Variants in SLC9D1 observed in about 807,000 individuals in gnomAD.
SLC9D1 encodes solute carrier family 9 member D1.
the SLC9D1 span, among the ~76,000 whole-genome samples, chr13:113,492,530 C>G: frequency 6.6e-6 from 1 of 152,232 alleles, no homozygotes; most frequent in Non-Finnish European, 1.5e-5. Context: ...ACCTGTGTGT[C>G]TTCTCAATAA....
chr13:113,530,236 T>C, the SLC9D1 span: 1 of 152,178 alleles, frequency 6.6e-6, no homozygotes, highest in Non-Finnish European at 1.5e-5. Flanking sequence ...GAAGTGCTGA[T>C]GGGTACAGGG....
the SLC9D1 span, among the ~76,000 whole-genome samples, chr13:113,540,055 C>G: frequency 1.3e-5 from 2 of 152,338 alleles, no homozygotes; most frequent in African/African-American, 4.8e-5. Flanking sequence ...TGATTTCATT[C>G]TGTTACGGTT....
chr13:113,538,543 C>G, the SLC9D1 span, among the ~76,000 whole-genome samples: 481 of 152,370 alleles, frequency 3.2e-3, 1 homozygote, highest in African/African-American at 0.011. Flanking sequence ...GCCGCTCCGC[C>G]GTGCTGAGCC....
At chr13:113,527,095 T>C in the SLC9D1 span, among the ~76,000 whole-genome samples, 2 of 152,244 alleles carry the variant, frequency 1.3e-5, no homozygotes, top group African/African-American at 4.8e-5. Context: ...TCTCAGAATG[T>C]GTCCCCATTG....
the SLC9D1 span, among the ~76,000 whole-genome samples, chr13:113,546,443 C>T: frequency 1.1e-4 from 17 of 152,114 alleles, no homozygotes; most frequent in East Asian, 2.3e-3. The surrounding 1 kb of genome is among the most constrained non-coding windows in gnomAD (Gnocchi z 7.1). Context: ...GAGGAGGGGC[C>T]GTGGCTAGAA....
the SLC9D1 span, among the ~76,000 whole-genome samples, chr13:113,519,502 G>A: frequency 6.6e-6 from 1 of 152,216 alleles, no homozygotes; most frequent in Admixed American, 6.5e-5. Flanking sequence ...CTGAATTTGT[G>A]AAGAAGGTCT....
the SLC9D1 span, among the ~76,000 whole-genome samples, chr13:113,549,120 TCA>T: frequency 6.6e-6 from 1 of 152,166 alleles, no homozygotes; most frequent in Admixed American, 6.5e-5. Flanking sequence ...GATCTTGAAA[TCA>T]CAGTCTCTCC....
the SLC9D1 span, among the ~76,000 whole-genome samples, chr13:113,520,990 G>A: frequency 2.0e-5 from 3 of 152,108 alleles, no homozygotes; most frequent in East Asian, 5.8e-4. Flanking sequence ...ACCCACTGAT[G>A]GAGTAGTCAG....
chr13:113,509,209 T>A, the SLC9D1 span, among the ~76,000 whole-genome samples: 5 of 100,114 alleles, frequency 5.0e-5, no homozygotes, highest in African/African-American at 1.4e-4. Context: ...TGCCTGTGTA[T>A]GTTGGGACTG....
At chr13:113,548,277 AGTGAC>A in the SLC9D1 span, 1 of 1,612,214 alleles carries the variant, frequency 6.2e-7, no homozygotes. Flanking sequence ...AGTCTTCAGC[AGTGAC>A]GTAATGAACC....
chr13:113,512,400 C>T, the SLC9D1 span, among the ~76,000 whole-genome samples: 73 of 118,210 alleles, frequency 6.2e-4, no homozygotes, highest in African/African-American at 2.0e-3. Context: ...GGAGTGTAGA[C>T]GGAGAGGGTT....
chr13:113,539,227 C>CA, the SLC9D1 span: 13 of 854,310 alleles, frequency 1.5e-5, no homozygotes, highest in Admixed American at 4.8e-5. The surrounding 1 kb of genome is among the most constrained non-coding windows in gnomAD (Gnocchi z 4.8). Flanking sequence ...ACCAGACACA[C>CA]ACACGCTCTG....
the SLC9D1 span, among the ~76,000 whole-genome samples, chr13:113,517,838 G>A: frequency 4.6e-5 from 7 of 150,698 alleles, no homozygotes; most frequent in East Asian, 1.9e-4. Context: ...CCCACAGCAC[G>A]GGGTTTACAG....
At chr13:113,497,325 T>C in the SLC9D1 span, among the ~76,000 whole-genome samples, 8 of 150,864 alleles carry the variant, frequency 5.3e-5, no homozygotes, top group Non-Finnish European at 7.4e-5. Context: ...GTGCAAGACC[T>C]GCAGCTGTGT....
At chr13:113,510,159 A>G in the SLC9D1 span, 1 of 1,325,964 alleles carries the variant, frequency 7.5e-7, no homozygotes, top group Non-Finnish European at 1.1e-6. Context: ...TCCTGGATGC[A>G]GAAATGCGTG....
At chr13:113,541,522 T>C in the SLC9D1 span, among the ~76,000 whole-genome samples, 2 of 132,278 alleles carry the variant, frequency 1.5e-5, no homozygotes, top group East Asian at 2.2e-4. Flanking sequence ...ACACGATTGC[T>C]GATCACTGCC....
the SLC9D1 span, chr13:113,506,115 G>A: frequency 5.6e-6 from 1 of 179,498 alleles, no homozygotes; most frequent in African/African-American, 2.4e-5. Flanking sequence ...TCCTGTGGAG[G>A]AGACTGTTGT....
chr13:113,524,790 C>T, the SLC9D1 span, among the ~76,000 whole-genome samples: 3 of 151,664 alleles, frequency 2.0e-5, no homozygotes, highest in Non-Finnish European at 4.4e-5. Context: ...AAGTGAGTTT[C>T]TTGTGGAGAA....
At chr13:113,546,997 G>A in the SLC9D1 span, among the ~76,000 whole-genome samples, 1 of 152,152 alleles carries the variant, frequency 6.6e-6, no homozygotes, top group Non-Finnish European at 1.5e-5. The surrounding 1 kb of genome is among the most constrained non-coding windows in gnomAD (Gnocchi z 7.1). Context: ...TTTCCTGAAG[G>A]AGTGCCAGAC....
Sources: gnomAD v4.1 joint callset for allele counts (sites outside exome capture counted in the v4.1 genomes callset) on GRCh38, gnomAD v4.1.1 for gene constraint, Gnocchi (gnomAD v3.1) non-coding constraint, MANE v1.5 for transcripts, NCBI Gene and HGNC (gene_info 2026-07-23, HGNC 2026-07-21) for gene names.